The following WDR7 variants were observed in gnomAD, a reference collection of about 807,000 sequenced individuals.
WDR7 encodes WD repeat-containing protein 7.
In WDR7, 46 loss-of-function variants were observed where a neutral mutation model predicts 169.4. That is an observed-to-expected ratio of 0.27 (90% CI 0.21 to 0.35). WDR7 has a LOEUF of 0.35. Ranked by LOEUF, WDR7 falls within the 10% of genes least tolerant of loss-of-function variation. The pLI, the probability that WDR7 is intolerant of heterozygous loss-of-function variation, is 1.00. For synonymous variants in WDR7, 612 were observed against 666.8 expected (o/e 0.92, Z 1.27); for missense variants, 1,534 against 1,859.3 (o/e 0.83, Z 3.22).
At chr18:56,900,696 C>G (rs1397142542) in intron 21 of WDR7, among the ~76,000 whole-genome samples, 1 of 152,268 alleles carries the variant, frequency 6.6e-6, no homozygotes, top group South Asian at 2.1e-4. Flanking sequence ...GCCAAAGTGG[C>G]CTACCGCTGC....
chr18:56,880,716 T>C (rs762685975), intron 21 of WDR7, among the ~76,000 whole-genome samples: 6 of 152,254 alleles, frequency 3.9e-5, no homozygotes, highest in Non-Finnish European at 7.3e-5. Context: ...ATTAACCCTG[T>C]AATTTAAAAA....
At chr18:56,724,571 G>A (rs2026399794) in intron 13 of WDR7, among the ~76,000 whole-genome samples, 1 of 151,522 alleles carries the variant, frequency 6.6e-6, no homozygotes, top group South Asian at 2.1e-4. Flanking sequence ...GTTGGGTATT[G>A]GATATTTTTG....
chr18:56,652,309 C>T (rs1230263230), intron 1 of WDR7, among the ~76,000 whole-genome samples: 1 of 152,180 alleles, frequency 6.6e-6, no homozygotes, highest in Non-Finnish European at 1.5e-5. Context: ...ATTTAGGGTT[C>T]GGTCAGTGGC....
intron 24 of WDR7, among the ~76,000 whole-genome samples, 159 bp downstream of exon 24, chr18:56,938,841 G>A (rs1178863005): frequency 6.6e-5 from 10 of 150,928 alleles, no homozygotes; most frequent in African/African-American, 2.2e-4. Flanking sequence ...GTGTGTGTGT[G>A]TAAGAGAGAG....
intron 20 of WDR7, among the ~76,000 whole-genome samples, chr18:56,839,219 G>A (rs1489406974): frequency 6.6e-6 from 1 of 151,972 alleles, no homozygotes; most frequent in Non-Finnish European, 1.5e-5. Context: ...TATCAAATCA[G>A]GGTCTGCATA....
At chr18:57,003,196 TA>T (rs1359340972) in intron 26 of WDR7, among the ~76,000 whole-genome samples, 1 of 149,470 alleles carries the variant, frequency 6.7e-6, no homozygotes, top group Admixed American at 6.8e-5. Context: ...TGAACTTCAG[TA>T]ATTACCCCTT....
intron 25 of WDR7, among the ~76,000 whole-genome samples, chr18:56,947,762 T>G (rs2047126725): frequency 6.6e-6 from 1 of 152,238 alleles, no homozygotes; most frequent in African/African-American, 2.4e-5. Context: ...CGGTGTGTTC[T>G]GCACAGATGC....
At chr18:56,698,938 T>A (rs1461058577) in intron 12 of WDR7, among the ~76,000 whole-genome samples, 3 of 152,140 alleles carry the variant, frequency 2.0e-5, no homozygotes, top group African/African-American at 7.2e-5. Flanking sequence ...GGCTTAATAC[T>A]TGGGTGATGC....
In WDR7 at chr18:56,691,914, C is replaced by T. The variant is rs2144621279; in HGVS notation, c.966+97C>T. On this transcript the variant is annotated intron_variant, in intron 9 of 27. Transcript: ENST00000254442. ...TGTGATAGGTTTAAAAAATTTGATA[C>T]AATTCAAAGCACTGTGTTAAATGTA... 3.5e-6 allele frequency: 3 copies of T among 855,068 alleles called. No homozygotes were observed. The East Asian group carries it at 8.2e-5, about 23-fold the overall frequency. 53.0% of individuals were successfully genotyped at this position (855,068 alleles called of 1,614,324 possible).
At chr18:56,997,283 A>T (rs2145875544) in intron 26 of WDR7, among the ~76,000 whole-genome samples, 1 of 152,344 alleles carries the variant, frequency 6.6e-6, no homozygotes, top group East Asian at 1.9e-4. Context: ...ATAGAAAAAA[A>T]TAAATGTTTA....
At chr18:56,994,107 C>A (rs2047860679) in intron 26 of WDR7, among the ~76,000 whole-genome samples, 1 of 151,428 alleles carries the variant, frequency 6.6e-6, no homozygotes, top group Admixed American at 6.6e-5. Flanking sequence ...GCAGCCTCGA[C>A]CTCCTGGGCT....
chr18:56,886,057 T>A (rs1418462757), intron 21 of WDR7, among the ~76,000 whole-genome samples: 1 of 152,116 alleles, frequency 6.6e-6, no homozygotes, highest in Non-Finnish European at 1.5e-5. Context: ...GAAAACATAT[T>A]TGAGGGAATA....
chr18:56,820,929 C>T (rs906052488), intron 20 of WDR7, among the ~76,000 whole-genome samples: 5 of 151,982 alleles, frequency 3.3e-5, no homozygotes, highest in Non-Finnish European at 5.9e-5. Context: ...TATGATTTGA[C>T]CTTTCATTCA....
At chr18:56,747,331 G>T (rs906285217) in intron 14 of WDR7, among the ~76,000 whole-genome samples, 2 of 152,162 alleles carry the variant, frequency 1.3e-5, no homozygotes, top group African/African-American at 4.8e-5. Context: ...GTATAATAGG[G>T]TTGTAATGAA....
intron 27 of WDR7, among the ~76,000 whole-genome samples, chr18:57,024,192 T>C (rs1158899419): frequency 6.6e-6 from 1 of 152,176 alleles, no homozygotes. Context: ...GAGTATTTAC[T>C]ATCTTTGCAA....
At chr18:56,951,427 C>G (rs1365964341) in intron 25 of WDR7, among the ~76,000 whole-genome samples, 1 of 152,134 alleles carries the variant, frequency 6.6e-6, no homozygotes, top group African/African-American at 2.4e-5. Flanking sequence ...CCTTGGCTTT[C>G]CCTTCTCTAG....
intron 2 of WDR7, among the ~76,000 whole-genome samples, chr18:56,674,386 T>C (rs1412573666): frequency 1.3e-5 from 2 of 152,198 alleles, no homozygotes; most frequent in Non-Finnish European, 2.9e-5. Flanking sequence ...TGATGGCTAA[T>C]GATGTTGAGC....
At chr18:56,791,763 A>G (rs2044488394) in intron 19 of WDR7, among the ~76,000 whole-genome samples, 3 of 152,186 alleles carry the variant, frequency 2.0e-5, no homozygotes, top group South Asian at 4.1e-4. Flanking sequence ...TTTCCCATTT[A>G]GAAGTGGATG....
chr18:57,024,168 G>C (rs187370874), intron 27 of WDR7, among the ~76,000 whole-genome samples: 4 of 152,076 alleles, frequency 2.6e-5, no homozygotes, highest in Admixed American at 1.3e-4. Context: ...TTTATTATTT[G>C]AATTTTCCAC....
Sources: gnomAD v4.1 joint callset for allele counts (sites outside exome capture counted in the v4.1 genomes callset) on GRCh38, gnomAD v4.1.1 for gene constraint, MANE v1.5 for transcripts, NCBI Gene and HGNC (gene_info 2026-07-23, HGNC 2026-07-21) for gene names.